TMBIM4: variants seen among roughly 807,000 people sequenced by gnomAD.
TMBIM4 encodes the protein protein lifeguard 4.
TMBIM4 carries 28 observed loss-of-function variants against 27.7 expected under a neutral mutation model. The ratio of observed to expected loss-of-function variants is 1.01; its 90% CI spans 0.75 to 1.38. The LOEUF (loss-of-function observed/expected upper bound fraction) is 1.38. Ranked by LOEUF, TMBIM4 falls within the 40% of genes most tolerant of loss-of-function variation. The probability of loss-of-function intolerance (pLI) is 0.00; values close to 1 mark genes in which losing one functional copy is unlikely to be tolerated. For synonymous variants in TMBIM4, 115 were observed against 113.1 expected, an observed-to-expected ratio of 1.02 and a Z score of -0.11; for missense variants, 265 against 277.5, an observed-to-expected ratio of 0.95 and a Z score of 0.32.
intron 1 of TMBIM4, among the ~76,000 whole-genome samples, chr12:66,160,666 TA>T (rs1246014757): frequency 2.0e-5 from 3 of 152,218 alleles, no homozygotes; most frequent in Non-Finnish European, 4.4e-5. Context: ...TTTTTTTAAT[TA>T]AAAAGTAAAC....
intron 1 of TMBIM4, among the ~76,000 whole-genome samples, chr12:66,157,016 G>T (rs553346486): frequency 6.6e-6 from 1 of 152,036 alleles, no homozygotes; most frequent in East Asian, 1.9e-4. Context: ...ATTATTCCCC[G>T]CCTAAGTAGC....
chr12:66,143,425 T>G (rs2051699453), intron 5 of TMBIM4, among the ~76,000 whole-genome samples: 1 of 152,168 alleles, frequency 6.6e-6, no homozygotes, highest in African/African-American at 2.4e-5. Context: ...AAATGAGCCC[T>G]GATTTGTAGT....
chr12:66,150,274 T>C (rs980766705), intron 3 of TMBIM4, among the ~76,000 whole-genome samples: 14 of 151,932 alleles, frequency 9.2e-5, no homozygotes, highest in African/African-American at 3.4e-4. Context: ...AGGCCAGGAG[T>C]TGGCTCTTAC....
chr12:66,138,846 G>A, intron 5 of TMBIM4, 77 bp from the exon 6 acceptor site: 1 of 1,361,702 alleles, frequency 7.3e-7, no homozygotes, highest in Non-Finnish European at 9.5e-7. Context: ...AACACTTTCT[G>A]AAAAAAACAT....
intron 5 of TMBIM4, chr12:66,139,622 G>C (rs1259802087): frequency 4.4e-6 from 2 of 455,914 alleles, no homozygotes; most frequent in African/African-American, 4.0e-5. Flanking sequence ...TCAGAGGTCA[G>C]GGAAGCCAAG....
At chr12:66,160,241 T>A (rs1592552285) in intron 1 of TMBIM4, 2 of 703,284 alleles carry the variant, frequency 2.8e-6, no homozygotes, top group Non-Finnish European at 5.2e-6. Flanking sequence ...TGATATTCAG[T>A]GTGGCTGAGG....
Position 66,136,223 on chromosome 12 carries a change from C to G in TMBIM4, c.*1737G>C, listed in dbSNP as rs1045313572. On this transcript the variant is annotated 3_prime_UTR_variant, in exon 7 of 7. Coordinates refer to ENST00000358230, the MANE Select transcript of TMBIM4 (RefSeq NM_016056.4). The stretch of plus-strand genomic sequence containing the variant: ...CATTATTCCCATTATGAAGATGAGG[C>G]AGAAGACCTAAGGAAGGATAAATAA... 3.9e-5 allele frequency: 6 copies of G among 152,052 alleles called. No individual in the cohort carries two copies. Among genetic ancestry groups the G allele is most frequent in the African/African-American group, 1.4e-4 (6 of 41,402 alleles). 9.4% of individuals were successfully genotyped at this position (152,052 alleles called of 1,614,324 possible).
chr12:66,165,080 T>C (rs1392964747), intron 1 of TMBIM4, among the ~76,000 whole-genome samples: 1 of 151,988 alleles, frequency 6.6e-6, no homozygotes, highest in East Asian at 1.9e-4. Context: ...CAAAAATAAA[T>C]GGAAACACAT....
chr12:66,155,333 T>TGAGAGAGAGAGAGAGAGA (rs1395788670), intron 1 of TMBIM4, among the ~76,000 whole-genome samples: 2 of 72,600 alleles, frequency 2.8e-5, no homozygotes, highest in South Asian at 5.5e-4. Flanking sequence ...TGTGCACACG[T>TGAGAGAGAGAGAGAGAGA]GTGAGAGAGA....
chr12:66,145,992 A>C, intron 4 of TMBIM4, 34 bp from the exon 5 acceptor site: 1 of 1,151,262 alleles, frequency 8.7e-7, no homozygotes. Flanking sequence ...ACATGCATAT[A>C]AACATGCTCA....
At chr12:66,151,988 TAGACAC>T (rs2051852178) in intron 3 of TMBIM4, among the ~76,000 whole-genome samples, 1 of 152,154 alleles carries the variant, frequency 6.6e-6, no homozygotes, top group African/African-American at 2.4e-5. Context: ...TGAAAAAACT[TAGACAC>T]AGAAAGGATA....
chr12:66,139,128 A>G (rs1397313809), intron 5 of TMBIM4, among the ~76,000 whole-genome samples: 1 of 152,230 alleles, frequency 6.6e-6, no homozygotes, highest in Admixed American at 6.5e-5. Context: ...ATGAACTAGG[A>G]TTGCACTTTT....
At chr12:66,158,441 C>T (rs987828339) in intron 1 of TMBIM4, among the ~76,000 whole-genome samples, 4 of 151,892 alleles carry the variant, frequency 2.6e-5, no homozygotes, top group African/African-American at 7.3e-5. Context: ...GAGATCAAGA[C>T]CATCCTGGCC....
intron 1 of TMBIM4, among the ~76,000 whole-genome samples, chr12:66,167,012 T>C (rs901887955): frequency 6.6e-6 from 1 of 152,162 alleles, no homozygotes; most frequent in Non-Finnish European, 1.5e-5. Flanking sequence ...TAAACGCATA[T>C]TATAAGTGAA....
chr12:66,169,119 G>T, intron 1 of TMBIM4: 1 of 579,686 alleles, frequency 1.7e-6, no homozygotes, highest in South Asian at 2.1e-5. Context: ...TCCTTTTCCA[G>T]AACAAGTTCC....
intron 1 of TMBIM4, among the ~76,000 whole-genome samples, chr12:66,158,443 A>G (rs2051981613): frequency 1.3e-5 from 2 of 151,840 alleles, no homozygotes; most frequent in African/African-American, 4.8e-5. Flanking sequence ...GATCAAGACC[A>G]TCCTGGCCAA....
At chr12:66,169,730 G>A in intron 1 of TMBIM4, 125 bp downstream of exon 1, 1 of 678,166 alleles carries the variant, frequency 1.5e-6, no homozygotes, top group Non-Finnish European at 2.3e-6. Context: ...AGGGCCGGGA[G>A]CTCAGTGAGC....
chr12:66,159,883 C>T (rs534363719), intron 1 of TMBIM4, among the ~76,000 whole-genome samples: 1 of 152,358 alleles, frequency 6.6e-6, no homozygotes, highest in Admixed American at 6.5e-5. Flanking sequence ...ATCTAAGACA[C>T]AGCCTAGTCA....
chr12:66,169,916 C>A lies in TMBIM4; in HGVS notation c.36G>T (p.Ser12=). The A allele has an allele frequency of 6.7e-7, 1 of 1,495,442 alleles. No individual in the cohort carries two copies. Among genetic ancestry groups the A allele is most frequent in the Non-Finnish European group, 8.9e-7 (1 of 1,124,392 alleles). 92.6% of individuals were successfully genotyped at this position (1,495,442 alleles called of 1,614,324 possible). The change falls in exon 1 of 7, where the codon TCG becomes TCT. Residue 12 remains serine, a synonymous_variant. Coordinates refer to ENST00000358230, the MANE Select transcript of TMBIM4 (RefSeq NM_016056.4). ...ADPDPRYPRS[S]IEDDFNYGSS... is the part of the protein sequence containing the mutation. The stretch of plus-strand genomic sequence containing the variant: ...TGCCATAGTTGAAGTCGTCCTCGAT[C>A]GAGGAGCGAGGGTACCGGGGGTCGG...
Sources: gnomAD v4.1 joint callset for allele counts (sites outside exome capture counted in the v4.1 genomes callset) on GRCh38, gnomAD v4.1.1 for gene constraint, MANE v1.5 for transcripts, NCBI Gene and HGNC (gene_info 2026-07-23, HGNC 2026-07-21) for gene names.